Variants in CCDC171 observed in about 807,000 individuals in gnomAD.
The protein encoded by CCDC171 is coiled-coil domain-containing protein 171.
CCDC171 carries 177 observed loss-of-function variants against 168.2 expected under a neutral mutation model. That is an observed-to-expected ratio of 1.05 (90% CI 0.93 to 1.19). CCDC171 has a LOEUF of 1.19. Ranked by LOEUF, CCDC171 falls within the 50% of genes most tolerant of loss-of-function variation. CCDC171 has a pLI of 0.00. For missense variants in CCDC171, 1,991 were observed against 1,539.0 expected, an observed-to-expected ratio of 1.29 and a Z score of -4.91; for synonymous variants, 687 against 540.8, an observed-to-expected ratio of 1.27 and a Z score of -3.75.
intron 18 of CCDC171, among the ~76,000 whole-genome samples, chr9:15,763,035 G>A (rs2056537007): frequency 6.6e-6 from 1 of 152,152 alleles, no homozygotes; most frequent in African/African-American, 2.4e-5. Context: ...GGTCCACATG[G>A]ATTCCTTCAG....
At chr9:16,023,100 CTT>C (rs554339412) in intron 6 of CCDC171, among the ~76,000 whole-genome samples, 1 of 147,236 alleles carries the variant, frequency 6.8e-6, no homozygotes, top group Non-Finnish European at 1.5e-5. Flanking sequence ...TCATTGTATT[CTT>C]TTTTTTTTTT....
intron 21 of CCDC171, among the ~76,000 whole-genome samples, chr9:15,786,381 T>G (rs976654760): frequency 6.6e-6 from 1 of 152,162 alleles, no homozygotes; most frequent in Admixed American, 6.6e-5. Context: ...TGAAGAAAAA[T>G]TAAAATAATC....
At chr9:16,098,701 C>T in the CCDC171 span, among the ~76,000 whole-genome samples, 1 of 152,206 alleles carries the variant, frequency 6.6e-6, no homozygotes, top group African/African-American at 2.4e-5. Context: ...CCTTGAATTG[C>T]TGTCTCAATT....
At chr9:15,927,859 TTAAG>T (rs1308290774) in intron 25 of CCDC171, among the ~76,000 whole-genome samples, 1 of 151,732 alleles carries the variant, frequency 6.6e-6, no homozygotes, top group East Asian at 1.9e-4. Context: ...TGACACAGAA[TTAAG>T]TGTTTTTCTC....
chr9:15,941,842 A>C (rs569392303), intron 25 of CCDC171, among the ~76,000 whole-genome samples: 3 of 152,058 alleles, frequency 2.0e-5, no homozygotes, highest in Non-Finnish European at 4.4e-5. Context: ...TAAAAGGGTT[A>C]CCTATCTATT....
At chr9:15,893,749 A>G (rs1411629661) in intron 24 of CCDC171, among the ~76,000 whole-genome samples, 3 of 152,156 alleles carry the variant, frequency 2.0e-5, no homozygotes, top group South Asian at 2.1e-4. Flanking sequence ...TGTGCCAGTT[A>G]GAAAGGCTAT....
intron 7 of CCDC171, among the ~76,000 whole-genome samples, chr9:15,640,398 A>G (rs1289857830): frequency 6.6e-6 from 1 of 152,128 alleles, no homozygotes; most frequent in Non-Finnish European, 1.5e-5. Flanking sequence ...ACTTAAAAAA[A>G]AACACCACCT....
chr9:15,912,493 A>G (rs1204214807), intron 24 of CCDC171, among the ~76,000 whole-genome samples: 1 of 152,192 alleles, frequency 6.6e-6, no homozygotes, highest in African/African-American at 2.4e-5. Flanking sequence ...GTCATCTGCA[A>G]ACAGAGGTAA....
Position 15,576,639 on chromosome 9 carries a change from G to C in CCDC171, c.178-2210G>C, listed in dbSNP as rs538905723. On this transcript the variant is annotated intron_variant, in intron 3 of 25. Transcript: ENST00000380701. ...AGTATTTTGACCTTATGAAATGATTGTAGGCTAATGTCGAATTCAATTTTC... is the reference window on the plus strand; with the variant it reads ...AGTATTTTGACCTTATGAAATGATTCTAGGCTAATGTCGAATTCAATTTTC... Among the ~76,000 whole-genome samples the C allele has an allele frequency of 5.3e-5, 8 of 152,276 alleles. No homozygotes were observed. The East Asian group carries it at 1.3e-3, about 26-fold the overall frequency.
chr9:15,624,067 A>G (rs1025216094), intron 7 of CCDC171, among the ~76,000 whole-genome samples: 1 of 152,198 alleles, frequency 6.6e-6, no homozygotes, highest in Non-Finnish European at 1.5e-5. Context: ...GCAAATAAAT[A>G]CTTATGAAGA....
chr9:15,646,145 C>T (rs1050720327), intron 7 of CCDC171, among the ~76,000 whole-genome samples: 1 of 152,116 alleles, frequency 6.6e-6, no homozygotes, highest in Non-Finnish European at 1.5e-5. Context: ...TCCAGCCAAA[C>T]TAAGCTTCAT....
chr9:15,827,454 T>C (rs1458353321), intron 21 of CCDC171, among the ~76,000 whole-genome samples: 2 of 152,196 alleles, frequency 1.3e-5, no homozygotes, highest in Non-Finnish European at 2.9e-5. Context: ...AGGTTGAAGA[T>C]TGAAGCTTTC....
At chr9:16,032,058 C>T (rs1333138246) in intron 6 of CCDC171, among the ~76,000 whole-genome samples, 4 of 152,164 alleles carry the variant, frequency 2.6e-5, no homozygotes, top group South Asian at 4.1e-4. Context: ...GGAATGCATC[C>T]GTGCCGAGGA....
intron 9 of CCDC171, among the ~76,000 whole-genome samples, chr9:15,675,303 T>C (rs1202840813): frequency 6.7e-6 from 1 of 148,228 alleles, no homozygotes; most frequent in Non-Finnish European, 1.5e-5. Context: ...TACAGCACAC[T>C]GATGGGTCTT....
intron 1 of CCDC171, among the ~76,000 whole-genome samples, chr9:16,060,480 G>A (rs1230039653): frequency 6.6e-6 from 1 of 152,256 alleles, no homozygotes; most frequent in African/African-American, 2.4e-5. Context: ...CAGCCCGCTT[G>A]CTGCCAAGCA....
intron 6 of CCDC171, among the ~76,000 whole-genome samples, chr9:15,612,371 C>A (rs1009322162): frequency 2.6e-5 from 4 of 152,178 alleles, no homozygotes; most frequent in Non-Finnish European, 4.4e-5. Context: ...TGTTGGCTAT[C>A]ATTTTCTCCA....
intron 25 of CCDC171, among the ~76,000 whole-genome samples, chr9:15,946,031 T>C (rs1322847188): frequency 1.3e-5 from 2 of 151,944 alleles, no homozygotes; most frequent in African/African-American, 4.8e-5. Flanking sequence ...GTTTAAGTCT[T>C]TAATCCATCT....
intron 25 of CCDC171, among the ~76,000 whole-genome samples, chr9:15,921,265 T>A (rs1420595373): frequency 6.6e-6 from 1 of 151,696 alleles, no homozygotes; most frequent in Admixed American, 6.6e-5. Context: ...GTGGTCTGAT[T>A]CCTCACCTTC....
At position 15,981,213 on chromosome 9, in the gene CCDC171, C is replaced by G. The variant is rs574074753; in HGVS notation, n.369-39376C>G. On this transcript the variant is annotated intron_variant and non_coding_transcript_variant, in intron 3 of 9. Coordinates refer to the CCDC171 transcript ENST00000486641. ...CAATGTGATAATATTTTGATATAGGCTCTTTGGGAGGTACTTCAGATTAGA... is the reference window on the plus strand; with the variant it reads ...CAATGTGATAATATTTTGATATAGGGTCTTTGGGAGGTACTTCAGATTAGA... Among the ~76,000 whole-genome samples the G allele has an allele frequency of 3.3e-5, 5 of 152,192 alleles. No individual in the cohort carries two copies. The South Asian group carries it at 1.0e-3, about 32-fold the overall frequency.
Sources: gnomAD v4.1 joint callset for allele counts (sites outside exome capture counted in the v4.1 genomes callset) on GRCh38, gnomAD v4.1.1 for gene constraint, MANE v1.5 for transcripts, NCBI Gene and HGNC (gene_info 2026-07-23, HGNC 2026-07-21) for gene names.